The following PDXDC1 variants were observed in gnomAD, a reference collection of about 807,000 sequenced individuals.
The protein encoded by PDXDC1 is pyridoxal-dependent decarboxylase domain-containing protein 1.
Under a neutral mutation model 100.1 loss-of-function variants are expected in PDXDC1, and 42 were observed. That is an observed-to-expected ratio of 0.42 (90% CI 0.33 to 0.54). PDXDC1 has a LOEUF of 0.54. Among genes scored for constraint, PDXDC1 ranks in the 20% least tolerant of loss-of-function variants. The pLI is 0.10. For missense variants in PDXDC1, 636 were observed against 979.2 expected, an observed-to-expected ratio of 0.65 and a Z score of 4.68; for synonymous variants, 260 against 371.7, an observed-to-expected ratio of 0.70 and a Z score of 3.46.
chr16:15,144,879 G>A, the PDXDC1 span, among the ~76,000 whole-genome samples: 4 of 152,304 alleles, frequency 2.6e-5, no homozygotes, highest in East Asian at 1.9e-4. Flanking sequence ...CGCTTCATAC[G>A]TATGCCACCT....
intron 16 of PDXDC1, among the ~76,000 whole-genome samples, chr16:15,129,065 A>G (rs965319587): frequency 6.6e-6 from 1 of 151,530 alleles, no homozygotes; most frequent in African/African-American, 2.4e-5. Flanking sequence ...TCGGCCTCCC[A>G]AAGTGCTCGG....
intron 16 of PDXDC1, chr16:15,129,851 G>A: frequency 1.3e-6 from 1 of 745,696 alleles, no homozygotes; most frequent in Admixed American, 2.0e-5. Context: ...TGAGAGCAGG[G>A]GAGGCCCTGC....
chr16:15,101,304 A>G (rs1293839747), intron 16 of PDXDC1, among the ~76,000 whole-genome samples: 1 of 152,164 alleles, frequency 6.6e-6, no homozygotes, highest in Non-Finnish European at 1.5e-5. Flanking sequence ...ACAGATAGGC[A>G]CGGTCTTTTT....
At chr16:15,141,852 C>G (rs1374886504), downstream of PDXDC1, among the ~76,000 whole-genome samples, 1 of 152,168 alleles carries the variant, frequency 6.6e-6, no homozygotes, top group Admixed American at 6.5e-5. Flanking sequence ...GCACCATGCC[C>G]GAGGGGGAAC....
intron 16 of PDXDC1, chr16:15,076,661 G>C: frequency 1.9e-6 from 3 of 1,556,264 alleles, no homozygotes; most frequent in Middle Eastern, 1.7e-4. Context: ...CTATAACAAA[G>C]GGAGAAAAAA....
At chr16:15,033,033 C>T (rs12926897) in intron 18 of PDXDC1, 54 bp downstream of exon 18, 119,763 of 1,177,346 alleles carry the variant, frequency 0.1, 7,418 homozygotes, top group Non-Finnish European at 0.13. Context: ...ACTTGGTAAC[C>T]GGCTTTGAAG....
chr16:15,079,689 T>C (rs1223597944), intron 16 of PDXDC1, among the ~76,000 whole-genome samples: 1 of 152,016 alleles, frequency 6.6e-6, no homozygotes, highest in African/African-American at 2.4e-5. Context: ...GCCTCCCGGA[T>C]TCAAGCAATT....
intron 16 of PDXDC1, among the ~76,000 whole-genome samples, chr16:15,117,645 A>T (rs974423844): frequency 7.7e-6 from 1 of 129,984 alleles, no homozygotes; most frequent in Admixed American, 7.9e-5. Flanking sequence ...GTGAGCCGAG[A>T]TCACACCATT....
chr16:15,019,460 A>G (rs946615449), intron 12 of PDXDC1, among the ~76,000 whole-genome samples: 2 of 152,290 alleles, frequency 1.3e-5, no homozygotes, highest in African/African-American at 4.8e-5. Flanking sequence ...ATATATAATT[A>G]TGCTATATTT....
Position 15,061,759 on chromosome 16 carries a change from T to A in PDXDC1, c.1399+31703T>A, listed in dbSNP as rs373952813. ...ATTTCTGCCGTCAGAGGGGACTGGG[T>A]TGCATGTACAACACGGGTGGGGAGC... On this transcript the variant is annotated intron_variant, in intron 16 of 16. Coordinates refer to the PDXDC1 transcript ENST00000535621. 5.0e-6 allele frequency: 8 copies of A among 1,612,782 alleles called. No homozygotes were observed. The African/African-American group carries it at 9.3e-5, about 19-fold the overall frequency.
At chr16:15,047,194 G>A (rs929285802) in intron 16 of PDXDC1, 6 of 517,428 alleles carry the variant, frequency 1.2e-5, no homozygotes, top group African/African-American at 3.8e-5. Flanking sequence ...TTCCTGAGAC[G>A]ACATCAAGTT....
intron 1 of PDXDC1, among the ~76,000 whole-genome samples, chr16:14,976,055 G>A (rs1407040590): frequency 6.6e-6 from 1 of 152,298 alleles, no homozygotes; most frequent in Non-Finnish European, 1.5e-5. Context: ...TGGTGTACCA[G>A]GCTGACTGCT....
chr16:15,070,260 G>A lies in PDXDC1; in HGVS notation c.1399+40204G>A, dbSNP rs781105406. The A allele has an allele frequency of 6.8e-6, 11 of 1,611,184 alleles. No individual in the cohort carries two copies. In the Admixed American group the frequency reaches 1.3e-4, roughly 20 times the overall value. ...CTAGGCATGATTTTACAGTACTAGAGAAAAGAAAAATTCAAGTCAACTTTA... is the reference window on the plus strand; with the variant it reads ...CTAGGCATGATTTTACAGTACTAGAAAAAAGAAAAATTCAAGTCAACTTTA... On this transcript the variant is annotated intron_variant, in intron 16 of 16. Coordinates refer to the PDXDC1 transcript ENST00000535621.
intron 16 of PDXDC1, among the ~76,000 whole-genome samples, chr16:15,095,609 T>C (rs2046327198): frequency 6.6e-6 from 1 of 152,122 alleles, no homozygotes; most frequent in African/African-American, 2.4e-5. Flanking sequence ...CCCAACACTT[T>C]GGGAGGCCGA....
rs1414342996 is a variant in PDXDC1, at chr16:15,034,331, G to A, written c.1858G>A (p.Ala620Thr). ...TEVVRKGIQE[A>T]QVELQKASEE... is the part of the protein sequence containing the mutation. ...AGTGGTTCGGAAAGGCATTCAGGAA[G>A]CTCAAGTGGAGCTGCAGAAGGCAAG... Residue 620 changes from alanine to threonine, a missense_variant, in exon 20 of 23, where the codon GCT becomes ACT. Coordinates refer to ENST00000396410, the MANE Select transcript of PDXDC1 (RefSeq NM_015027.4). 1 of 1,613,498 alleles carries A rather than the reference G, an allele frequency of 6.2e-7. No homozygotes were observed.
At chr16:15,085,326 C>T (rs1441003210) in intron 16 of PDXDC1, among the ~76,000 whole-genome samples, 1 of 149,826 alleles carries the variant, frequency 6.7e-6, no homozygotes, top group African/African-American at 2.4e-5. Context: ...CTGTGCTTTA[C>T]TTTTTTTTTT....
the PDXDC1 span, among the ~76,000 whole-genome samples, chr16:15,149,929 C>T: frequency 6.0e-4 from 92 of 152,264 alleles, no homozygotes; most frequent in African/African-American, 2.2e-3. Flanking sequence ...ACTCACAGCA[C>T]CACGGAGGAG....
At chr16:15,122,946 G>A (rs977903486) in intron 16 of PDXDC1, among the ~76,000 whole-genome samples, 1 of 150,264 alleles carries the variant, frequency 6.7e-6, no homozygotes, top group African/African-American at 2.5e-5. Context: ...AGGGGTCTGG[G>A]AAAGGATCCG....
intron 16 of PDXDC1, chr16:15,061,742 C>T (rs370696732): frequency 1.0e-5 from 16 of 1,605,102 alleles, no homozygotes; most frequent in Middle Eastern, 1.7e-4. Context: ...AAATTTCTGC[C>T]GTCAGAGGGG....
Sources: gnomAD v4.1 joint callset for allele counts (sites outside exome capture counted in the v4.1 genomes callset) on GRCh38, gnomAD v4.1.1 for gene constraint, MANE v1.5 for transcripts, NCBI Gene and HGNC (gene_info 2026-07-23, HGNC 2026-07-21) for gene names.